MGAT4A: variants seen among roughly 807,000 people sequenced by gnomAD.
MGAT4A encodes alpha-1,3-mannosyl-glycoprotein 4-beta-N-acetylglucosaminyltransferase A.
A neutral mutation model predicts 74.1 loss-of-function variants in MGAT4A; 33 were observed. That is an observed-to-expected ratio of 0.45 (90% CI 0.34 to 0.60). MGAT4A has a LOEUF of 0.60. Among genes scored for constraint, MGAT4A ranks in the 20% least tolerant of loss-of-function variants. The pLI is 0.02. For synonymous variants in MGAT4A, 198 were observed against 210.4 expected (o/e 0.94, Z 0.51); for missense variants, 479 against 628.3 (o/e 0.76, Z 2.54).
At chr2:98,677,620 T>G (rs545107981) in intron 3 of MGAT4A, among the ~76,000 whole-genome samples, 19 of 151,918 alleles carry the variant, frequency 1.3e-4, no homozygotes, top group South Asian at 4.2e-4. Context: ...GCCCGGCTAA[T>G]TTTTGTATTT....
Position 98,672,699 on chromosome 2 carries a change from C to G in MGAT4A, c.403+2336G>C, listed in dbSNP as rs115807815. Among the ~76,000 whole-genome samples, 353 of 152,288 alleles carry G rather than the reference C, an allele frequency of 2.3e-3. 1 individual carries two copies. The highest frequency in any genetic ancestry group is 8.0e-3 in the African/African-American group (332 of 41,552). On this transcript the variant is annotated intron_variant, in intron 4 of 15. Transcript: ENST00000393487. ...ATTCTTTATGCGTTTATGCTGCATT[C>G]TGGAAGAAATACACAGCTCGGTCTT...
chr2:98,633,951 A>C (rs143673577), intron 14 of MGAT4A, among the ~76,000 whole-genome samples: 99 of 152,354 alleles, frequency 6.5e-4, no homozygotes, highest in African/African-American at 2.2e-3. Flanking sequence ...GTTATTGTGC[A>C]AGCCTCTTAG....
chr2:98,636,398 T>C, intron 13 of MGAT4A, 119 bp downstream of exon 13: 1 of 722,912 alleles, frequency 1.4e-6, no homozygotes, highest in Admixed American at 2.4e-5. Flanking sequence ...TTAATATTAT[T>C]CACCATTGAG....
intron 8 of MGAT4A, among the ~76,000 whole-genome samples, chr2:98,654,129 AT>A (rs1387157206): frequency 6.6e-6 from 1 of 152,184 alleles, no homozygotes; most frequent in Non-Finnish European, 1.5e-5. Context: ...ATTAAAAAAA[AT>A]GTGACGAACT....
At chr2:98,719,884 C>T (rs1002117777) in intron 2 of MGAT4A, among the ~76,000 whole-genome samples, 4 of 151,982 alleles carry the variant, frequency 2.6e-5, no homozygotes, top group Admixed American at 2.0e-4. Flanking sequence ...TGACCTCAGG[C>T]GATCCACCTG....
intron 2 of MGAT4A, among the ~76,000 whole-genome samples, chr2:98,685,152 C>T (rs149088043): frequency 1.4e-3 from 217 of 151,734 alleles, no homozygotes; most frequent in Admixed American, 2.7e-3. Flanking sequence ...GTGGGAGGAT[C>T]CCTTGAGCCC....
intron 12 of MGAT4A, among the ~76,000 whole-genome samples, chr2:98,637,109 A>T (rs1192924472): frequency 6.6e-6 from 1 of 152,096 alleles, no homozygotes; most frequent in Non-Finnish European, 1.5e-5. Flanking sequence ...CAGGGGTTCA[A>T]GACCAGCCTG....
chr2:98,698,077 A>C (rs1702301495), intron 2 of MGAT4A, among the ~76,000 whole-genome samples: 1 of 152,226 alleles, frequency 6.6e-6, no homozygotes, highest in Admixed American at 6.5e-5. Flanking sequence ...AAAAACTGAT[A>C]TTTGCATTTG....
At chr2:98,705,918 C>T (rs1330905385) in intron 2 of MGAT4A, among the ~76,000 whole-genome samples, 4 of 143,278 alleles carry the variant, frequency 2.8e-5, no homozygotes, top group African/African-American at 7.8e-5. Flanking sequence ...GTCCGCAGTC[C>T]GACCTGGGCG....
At chr2:98,730,775 G>A (rs1444540476) in intron 1 of MGAT4A, among the ~76,000 whole-genome samples, 1 of 148,952 alleles carries the variant, frequency 6.7e-6, no homozygotes, top group Non-Finnish European at 1.5e-5. Context: ...CAGGGACGCT[G>A]GGAGGACGGC....
At chr2:98,632,990 G>A (rs978820327) in intron 14 of MGAT4A, among the ~76,000 whole-genome samples, 3 of 152,164 alleles carry the variant, frequency 2.0e-5, no homozygotes, top group African/African-American at 7.2e-5. Flanking sequence ...GAACTCTTGA[G>A]CTGGTGATCT....
At chr2:98,714,181 G>T (rs1435471264) in intron 2 of MGAT4A, among the ~76,000 whole-genome samples, 1 of 152,100 alleles carries the variant, frequency 6.6e-6, no homozygotes, top group Non-Finnish European at 1.5e-5. Context: ...TTCGCCTCCC[G>T]GGTTCAAGCT....
At chr2:98,708,016 A>C (rs183680449) in intron 2 of MGAT4A, among the ~76,000 whole-genome samples, 24 of 152,318 alleles carry the variant, frequency 1.6e-4, no homozygotes, top group Admixed American at 7.8e-4. Flanking sequence ...GCTATTTATA[A>C]ATTTGTTGCC....
At chr2:98,633,274 C>G (rs956274840) in intron 14 of MGAT4A, among the ~76,000 whole-genome samples, 1 of 152,172 alleles carries the variant, frequency 6.6e-6, no homozygotes, top group African/African-American at 2.4e-5. Context: ...GATGCCACAG[C>G]CCTAGACTAG....
intron 5 of MGAT4A, among the ~76,000 whole-genome samples, chr2:98,661,767 C>A (rs374709836): frequency 1.6e-4 from 25 of 152,172 alleles, no homozygotes; most frequent in African/African-American, 6.0e-4. Context: ...CATCTCTGAT[C>A]ACCTCCATGA....
At chr2:98,696,080 A>C (rs1285695511) in intron 2 of MGAT4A, among the ~76,000 whole-genome samples, 2 of 151,968 alleles carry the variant, frequency 1.3e-5, no homozygotes, top group Non-Finnish European at 2.9e-5. Context: ...TGGGGGTCTC[A>C]CTTTGTTGCC....
intron 5 of MGAT4A, among the ~76,000 whole-genome samples, chr2:98,658,795 T>A (rs979863765): frequency 1.3e-5 from 2 of 152,202 alleles, no homozygotes; most frequent in African/African-American, 4.8e-5. Context: ...ACACTGACAC[T>A]GAGAACTGAA....
intron 2 of MGAT4A, among the ~76,000 whole-genome samples, chr2:98,704,678 G>C (rs1300429129): frequency 6.6e-6 from 1 of 151,998 alleles, no homozygotes; most frequent in Non-Finnish European, 1.5e-5. Context: ...GCTAAGGTGG[G>C]AGGATGGCTT....
At chr2:98,714,015 G>A (rs1175986927) in intron 2 of MGAT4A, among the ~76,000 whole-genome samples, 1 of 152,192 alleles carries the variant, frequency 6.6e-6, no homozygotes, top group Admixed American at 6.5e-5. Flanking sequence ...ATTTGTGTAT[G>A]GGTTAGAATT....
Sources: allele counts gnomAD v4.1 joint callset (sites outside exome capture counted in the v4.1 genomes callset), GRCh38; gene constraint gnomAD v4.1.1; transcripts MANE v1.5; gene names NCBI Gene and HGNC (gene_info 2026-07-23, HGNC 2026-07-21).